The following EIF4E3 variants were observed in gnomAD, a reference collection of about 807,000 sequenced individuals.
The protein encoded by EIF4E3 is eukaryotic translation initiation factor 4E family member 3.
EIF4E3 carries 26 observed loss-of-function variants against 31.7 expected under a neutral mutation model. That is an observed-to-expected ratio of 0.82 (90% CI 0.60 to 1.14). The LOEUF is 1.14. Among genes scored for constraint, EIF4E3 ranks in the 50% most tolerant of loss-of-function variants. EIF4E3 has a pLI of 0.00. For synonymous variants in EIF4E3, 128 were observed against 107.7 expected (o/e 1.19, Z -1.17); for missense variants, 304 against 270.9 (o/e 1.12, Z -0.86).
At chr3:71,728,314 A>G (rs2049663737), upstream of EIF4E3, among the ~76,000 whole-genome samples, 1 of 152,232 alleles carries the variant, frequency 6.6e-6, no homozygotes, top group South Asian at 2.1e-4. Context: ...TGCTCTTCAG[A>G]ATCATTCTTA....
chr3:71,670,221 C>A, the EIF4E3 span, among the ~76,000 whole-genome samples: 39 of 152,300 alleles, frequency 2.6e-4, no homozygotes, highest in South Asian at 8.1e-3. Flanking sequence ...GAGATACTCA[C>A]ATAAATGAAA....
upstream of EIF4E3, among the ~76,000 whole-genome samples, chr3:71,729,650 C>G (rs77712523): frequency 7.3e-3 from 1,118 of 152,232 alleles, 15 homozygotes; most frequent in African/African-American, 0.026. Flanking sequence ...AGTAAAGATA[C>G]AGTAAATGTC....
Position 71,685,737 on chromosome 3 carries a change from G to A in EIF4E3, c.629-1009C>T, listed in dbSNP as rs1405113623. Among the ~76,000 whole-genome samples the A allele has an allele frequency of 2.0e-5, 3 of 152,348 alleles. No homozygotes were observed. In the South Asian group the frequency reaches 6.2e-4, roughly 32 times the overall value. On this transcript the variant is annotated intron_variant, in intron 6 of 6. Coordinates refer to ENST00000425534, the MANE Select transcript of EIF4E3 (RefSeq NM_001134651.2). ...CTTAACGTTTTTTAAAGTAGAAGAT[G>A]CCACAGGGAGACCTACGAAATACAT...
intron 1 of EIF4E3, among the ~76,000 whole-genome samples, chr3:71,715,543 T>A (rs2049451899): frequency 6.6e-6 from 1 of 152,164 alleles, no homozygotes; most frequent in Admixed American, 6.5e-5. Context: ...ATAATGACCA[T>A]TCCTAGTAGA....
chr3:71,694,690 T>C (rs957440439), intron 4 of EIF4E3, among the ~76,000 whole-genome samples: 1 of 152,182 alleles, frequency 6.6e-6, no homozygotes, highest in African/African-American at 2.4e-5. Flanking sequence ...AGGCTCCAAA[T>C]TGCCCCCAAA....
upstream of EIF4E3, chr3:71,754,554 G>T: frequency 2.2e-6 from 3 of 1,359,886 alleles, no homozygotes; most frequent in Non-Finnish European, 2.8e-6. The surrounding 1 kb of genome is among the most constrained non-coding windows in gnomAD (Gnocchi z 5.8). Flanking sequence ...CGACGAGGAC[G>T]CGCCGTGCGC....
intron 1 of EIF4E3, among the ~76,000 whole-genome samples, chr3:71,751,183 T>C (rs1478429941): frequency 6.6e-6 from 1 of 152,028 alleles, no homozygotes; most frequent in African/African-American, 2.4e-5. Context: ...CAGTGAGCCA[T>C]GATGATGCCA....
chr3:71,711,912 G>T (rs2049385164), intron 1 of EIF4E3, among the ~76,000 whole-genome samples: 1 of 152,148 alleles, frequency 6.6e-6, no homozygotes, highest in Non-Finnish European at 1.5e-5. Context: ...GAACACAGGA[G>T]ATGGAGGTTG....
At chr3:71,723,067 C>G (rs897842013) in intron 1 of EIF4E3, among the ~76,000 whole-genome samples, 6 of 152,168 alleles carry the variant, frequency 3.9e-5, no homozygotes, top group Non-Finnish European at 7.3e-5. Context: ...AGCAAGAGGC[C>G]TTTGCATGCT....
upstream of EIF4E3, chr3:71,754,313 G>GTCACCCGCTA: frequency 8.6e-7 from 1 of 1,160,152 alleles, no homozygotes; most frequent in East Asian, 4.1e-5. This position sits in a 1 kb window ranked among gnomAD's most constrained non-coding sequence, Gnocchi z 5.8. Flanking sequence ...CGGCGGGGGC[G>GTCACCCGCTA]CCGCCGGGCG....
intron 4 of EIF4E3, among the ~76,000 whole-genome samples, chr3:71,695,103 T>C (rs1011387679): frequency 6.6e-6 from 1 of 152,008 alleles, no homozygotes; most frequent in Non-Finnish European, 1.5e-5. Context: ...TCCCTTCTGG[T>C]CTATGAGTCT....
chr3:71,733,013 G>A (rs2049722945), intron 1 of EIF4E3, among the ~76,000 whole-genome samples: 1 of 152,224 alleles, frequency 6.6e-6, no homozygotes, highest in Non-Finnish European at 1.5e-5. Context: ...CCTTATCACA[G>A]TTCCTGGAGG....
upstream of EIF4E3, chr3:71,754,270 C>A (rs771032625): frequency 2.1e-5 from 25 of 1,215,062 alleles, no homozygotes; most frequent in East Asian, 3.8e-5. The surrounding 1 kb of genome is among the most constrained non-coding windows in gnomAD (Gnocchi z 5.8). Flanking sequence ...TGCCTCCCGG[C>A]CGTCATGCTG....
At chr3:71,740,951 A>G (rs2049814470) in intron 1 of EIF4E3, among the ~76,000 whole-genome samples, 2 of 151,914 alleles carry the variant, frequency 1.3e-5, no homozygotes, top group Non-Finnish European at 2.9e-5. Flanking sequence ...CCTGGCTAAC[A>G]TGGTGAAACC....
intron 1 of EIF4E3, among the ~76,000 whole-genome samples, chr3:71,723,789 G>T (rs963014010): frequency 1.3e-5 from 2 of 152,090 alleles, no homozygotes. Flanking sequence ...CCAAAAGCAC[G>T]CTTGTTATGA....
intron 1 of EIF4E3, 68 bp from the exon 2 acceptor site, chr3:71,710,552 A>C: frequency 6.8e-7 from 1 of 1,474,614 alleles, no homozygotes; most frequent in Non-Finnish European, 9.3e-7. Flanking sequence ...AACAGCCCAC[A>C]GTAGAATCTT....
At chr3:71,730,066 G>A (rs921370584), upstream of EIF4E3, among the ~76,000 whole-genome samples, 1 of 152,192 alleles carries the variant, frequency 6.6e-6, no homozygotes, top group Non-Finnish European at 1.5e-5. Flanking sequence ...CAGGGCACAG[G>A]AAGGGACTGG....
chr3:71,699,765 G>T, intron 2 of EIF4E3, 57 bp from the exon 3 acceptor site: 1 of 1,429,166 alleles, frequency 7.0e-7, no homozygotes, highest in Non-Finnish European at 9.7e-7. Context: ...TTATTATGCT[G>T]CTAGATTATC....
At chr3:71,685,268 T>C (rs561497710) in intron 6 of EIF4E3, among the ~76,000 whole-genome samples, 4 of 152,314 alleles carry the variant, frequency 2.6e-5, no homozygotes, top group African/African-American at 9.6e-5. Flanking sequence ...TTGCTAAGTT[T>C]TATTTTTCCA....
Sources: allele counts gnomAD v4.1 joint callset (sites outside exome capture counted in the v4.1 genomes callset), GRCh38; gene constraint gnomAD v4.1.1; non-coding constraint Gnocchi (gnomAD v3.1); transcripts MANE v1.5; gene names NCBI Gene and HGNC (gene_info 2026-07-23, HGNC 2026-07-21).